Variants in UCP3 observed in about 807,000 individuals in gnomAD.
UCP3 encodes putative mitochondrial transporter UCP3.
In UCP3, 24 loss-of-function variants were observed where a neutral mutation model predicts 28.1. The ratio of observed to expected loss-of-function variants is 0.85; its 90% CI spans 0.62 to 1.20. The LOEUF (loss-of-function observed/expected upper bound fraction) is 1.20. UCP3 is among the 50% of genes most tolerant of loss of function. UCP3 has a pLI of 0.00. For missense variants in UCP3, 397 were observed against 422.2 expected (o/e 0.94, Z 0.52); for synonymous variants, 184 against 171.2 (o/e 1.07, Z -0.59).
chr11:74,005,470 C>T (rs1951656606), intron 4 of UCP3, among the ~76,000 whole-genome samples: 1 of 152,208 alleles, frequency 6.6e-6, no homozygotes, highest in Admixed American at 6.5e-5. Flanking sequence ...CCTCTGCTGT[C>T]CTCATGCCCT....
Position 74,003,919 on chromosome 11 carries a change from C to T in UCP3, c.732G>A (p.Arg244=). 1 of 1,614,096 alleles carries T rather than the reference C, an allele frequency of 6.2e-7. No homozygotes were observed. ...ACTGGCCTGGAGGTGAGTTCATATA[C>T]CGGGTCTTCACCACGTCCACCGGGG... ...VASPVDVVKT[R]YMNSPPGQYF... The change falls in exon 6 of 7, where the codon CGG becomes CGA. Residue 244 remains arginine, a synonymous_variant. Transcript: ENST00000314032.
intron 5 of UCP3, 126 bp downstream of exon 5, chr11:74,004,357 TA>T: frequency 1.1e-6 from 1 of 875,792 alleles, no homozygotes; most frequent in South Asian, 1.6e-5. Context: ...TGGCACTTTT[TA>T]CTAGGCACTG....
intron 6 of UCP3, chr11:74,001,800 T>G (rs771621999): frequency 4.7e-4 from 195 of 414,124 alleles, no homozygotes; most frequent in Non-Finnish European, 7.4e-4. Flanking sequence ...GGCAGCCATG[T>G]TGCTGCCAGG....
chr11:74,004,357 T>C, intron 5 of UCP3, 127 bp downstream of exon 5: 1 of 875,792 alleles, frequency 1.1e-6, no homozygotes, highest in Admixed American at 2.4e-5. Context: ...TGGCACTTTT[T>C]ACTAGGCACT....
chr11:74,001,463 C>T lies in UCP3; in HGVS notation c.888G>A (p.Gln296=), dbSNP rs768277048. 5 of 1,614,194 alleles carry T rather than the reference C, an allele frequency of 3.1e-6. No homozygotes were observed. Among genetic ancestry groups the T allele is most frequent in the Non-Finnish European group, 4.2e-6 (5 of 1,180,036 alleles). Residue 296 remains glutamine (Q), a synonymous_variant, in exon 7 of 7, where the codon CAG becomes CAA. Transcript: ENST00000314032. The stretch of plus-strand genomic sequence containing the variant: ...GGACTTTCATCAGGGCCCGTTTCAG[C>T]TGCTCATAGGTTACGAACATCACCA... The part of the protein sequence containing the change: ...WNVVMFVTYE[Q]LKRALMKVQM...
chr11:74,002,412 G>A (rs1951628762), intron 6 of UCP3, among the ~76,000 whole-genome samples: 1 of 152,138 alleles, frequency 6.6e-6, no homozygotes, highest in African/African-American at 2.4e-5. Context: ...TCAGACCTGG[G>A]TTCAAATCCA....
chr11:74,003,380 G>A, intron 6 of UCP3: 1 of 853,284 alleles, frequency 1.2e-6, no homozygotes, highest in Non-Finnish European at 1.4e-6. Context: ...GTGTTAGGGA[G>A]GAGGTGGCAT....
chr11:74,005,411 T>C (rs569770900), intron 4 of UCP3, among the ~76,000 whole-genome samples: 14 of 152,300 alleles, frequency 9.2e-5, no homozygotes, highest in Non-Finnish European at 1.3e-4. Flanking sequence ...GCTCCACCTC[T>C]GGGGCAACCC....
Position 74,003,677 on chromosome 11 carries a change from T to C in UCP3, c.824+150A>G, listed in dbSNP as rs999851764. ...CAGGTATGGTTCACTTTTTTTCTTT[T>C]ACTTGCATGGTTTTTTAAACTTCTT... On this transcript the variant is annotated intron_variant, in intron 6 of 6. Transcript: ENST00000314032. 5 of 1,459,246 alleles carry C rather than the reference T, an allele frequency of 3.4e-6. No homozygotes were observed. The South Asian group carries it at 6.3e-5, about 18-fold the overall frequency. The allele number at this position is 1,459,246 out of a possible 1,614,324, so 90.4% of individuals were successfully genotyped here.
chr11:74,006,405 G>C (rs764912790), intron 2 of UCP3, 26 bp from the exon 3 acceptor site: 1 of 1,516,384 alleles, frequency 6.6e-7, no homozygotes, highest in Non-Finnish European at 8.8e-7. Context: ...AGGGGGTGAG[G>C]ACTCAGATGG....
intron 6 of UCP3, chr11:74,001,778 A>G: frequency 2.2e-6 from 1 of 463,586 alleles, no homozygotes; most frequent in South Asian, 2.2e-5. Flanking sequence ...GCGAATTCTC[A>G]CAGTTCTATA....
rs748417606 is a variant in UCP3 at position 74,003,925 on chromosome 11, C to T, written c.726G>A (p.Lys242=). The T allele has an allele frequency of 9.3e-6, 15 of 1,614,132 alleles. No individual in the cohort carries two copies. In the East Asian group the frequency reaches 3.3e-4, roughly 36 times the overall value. Reference sequence around the variant, plus strand: ...CTGGAGGTGAGTTCATATACCGGGTCTTCACCACGTCCACCGGGGAGGCCA... The same window carrying T: ...CTGGAGGTGAGTTCATATACCGGGTTTTCACCACGTCCACCGGGGAGGCCA... ...TVVASPVDVV[K]TRYMNSPPGQ... is the part of the protein sequence containing the mutation. The change falls in exon 6 of 7, where the codon AAG becomes AAA. Residue 242 remains lysine (K), a synonymous_variant. Transcript: ENST00000314032.
chr11:74,005,829 T>G lies in UCP3; in HGVS notation c.442A>C (p.Ile148Leu), dbSNP rs755692022. 1 of 1,614,202 alleles carries G rather than the reference T, an allele frequency of 6.2e-7. No individual in the cohort carries two copies. Among genetic ancestry groups the G allele is most frequent in the East Asian group, 2.2e-5 (1 of 44,876 alleles). The change falls in exon 4 of 7, where the codon ATA becomes CTA. Residue 148 changes from isoleucine to leucine, a missense_variant. Coordinates refer to ENST00000314032, the MANE Select transcript of UCP3 (RefSeq NM_003356.4). ...TCGCTCCTGGATGGCCCGAGGTGTA[T>G]GCTGGCCTGAAATCGGACCTTCACC... ...DVVKVRFQAS[I>L]HLGPSRSDRK...
Position 74,000,312 on chromosome 11 carries a change from C to A in UCP3, c.*1100G>T, listed in dbSNP as rs769351297. The A allele has an allele frequency of 6.6e-6, 1 of 152,560 alleles. No homozygotes were observed. The highest frequency in any genetic ancestry group is 1.5e-5 in the Non-Finnish European group (1 of 68,036). The allele number at this position is 152,560 out of a possible 1,614,324, so 9.5% of individuals were successfully genotyped here. On this transcript the variant is annotated 3_prime_UTR_variant, in exon 7 of 7. Coordinates refer to ENST00000314032, the MANE Select transcript of UCP3 (RefSeq NM_003356.4). ...TACTCCCACACCTAAGGTGTGAATT[C>A]TTTTATTGAGTCATAATAATTTCCC...
Position 74,006,967 on chromosome 11 carries a change from A to G in UCP3, c.76T>C (p.Phe26Leu). The change falls in exon 2 of 7, where the codon TTT (phenylalanine) becomes CTT (leucine). Residue 26 changes from phenylalanine (F) to leucine (L), a missense_variant. Phe to Leu is a conservative substitution (Grantham distance 22, BLOSUM62 0). Transcript: ENST00000314032. Reference sequence around the variant, plus strand: ...AGTGGAAAGGTAACGAGGTCAGCAAAACAGGCTGCTGTGCCTGCCCCCAGG... The same window carrying G: ...AGTGGAAAGGTAACGAGGTCAGCAAGACAGGCTGCTGTGCCTGCCCCCAGG... ...KFLGAGTAAC[F>L]ADLVTFPLDT... 1 of 1,614,194 alleles carries G rather than the reference A, an allele frequency of 6.2e-7. No homozygotes were observed. The highest frequency in any genetic ancestry group is 8.5e-7 in the Non-Finnish European group (1 of 1,180,030).
rs925805999 is a variant in UCP3 at position 74,003,045 on chromosome 11, A to G, written c.824+782T>C. ...TTTTCTGACACTCAGTCTTTTCCTT[A>G]GTTAATGTGGACAATACTACCCAGT... is the stretch of plus-strand genomic sequence containing the variant. On this transcript the variant is annotated intron_variant, in intron 6 of 6. Coordinates refer to ENST00000314032, the MANE Select transcript of UCP3 (RefSeq NM_003356.4). The G allele has an allele frequency of 3.0e-5, 22 of 728,928 alleles. No homozygotes were observed. In the African/African-American group the frequency reaches 3.6e-4, roughly 12 times the overall value. The allele number at this position is 728,928 out of a possible 1,614,324, so 45.2% of individuals were successfully genotyped here.
rs58614015 is a variant in UCP3 at position 74,006,297 on chromosome 11, C to T, written c.209G>A (p.Arg70Gln). Residue 70 changes from arginine to glutamine, a missense_variant, in exon 3 of 7, where the codon CGG (arginine) becomes CAG (glutamine). By Grantham distance (43) the Arg-to-Gln change is conservative. Transcript: ENST00000314032. ...GTAGGGGCTGCAGGGACCCTCAGTC[C>T]GCACCATGGTCAGGATGGTGCCCAG... ...GVLGTILTMV[R>Q]TEGPCSPYNG... 3.0e-5 allele frequency: 49 copies of T among 1,611,814 alleles called. 1 individual carries two copies. In the East Asian group the frequency reaches 6.0e-4, roughly 20 times the overall value.
chr11:74,004,985 G>A (rs1010484749), intron 4 of UCP3, among the ~76,000 whole-genome samples: 16 of 152,200 alleles, frequency 1.1e-4, no homozygotes, highest in African/African-American at 3.6e-4. Context: ...AGGGCCCTAG[G>A]AAACTGTCAG....
chr11:74,005,820 C>G lies in UCP3; in HGVS notation c.451G>C (p.Gly151Arg). ...KVRFQASIHL[G>R]PSRSDRKYSG... Reference sequence around the variant, plus strand: ...TATTTTCTGTCGCTCCTGGATGGCCCGAGGTGTATGCTGGCCTGAAATCGG... The same window carrying G: ...TATTTTCTGTCGCTCCTGGATGGCCGGAGGTGTATGCTGGCCTGAAATCGG... Residue 151 changes from glycine to arginine, a missense_variant, in exon 4 of 7, where the codon GGG becomes CGG. By Grantham distance (125) the Gly-to-Arg change is moderately radical. Transcript: ENST00000314032. 1 of 1,614,184 alleles carries G rather than the reference C, an allele frequency of 6.2e-7. No individual in the cohort carries two copies. The highest frequency in any genetic ancestry group is 8.5e-7 in the Non-Finnish European group (1 of 1,180,040).
Sources: allele counts gnomAD v4.1 joint callset (sites outside exome capture counted in the v4.1 genomes callset), GRCh38; gene constraint gnomAD v4.1.1; transcripts MANE v1.5; gene names NCBI Gene and HGNC (gene_info 2026-07-23, HGNC 2026-07-21).